The following MYO1D variants were observed in gnomAD, a reference collection of about 807,000 sequenced individuals.
The protein encoded by MYO1D is myosin ID, also known as unconventional myosin-Id.
In MYO1D, 83 loss-of-function variants were observed where a neutral mutation model predicts 122.0. The ratio of observed to expected loss-of-function variants is 0.68; its 90% CI spans 0.57 to 0.82. MYO1D has a LOEUF of 0.82. MYO1D is among the 40% of genes least tolerant of loss of function. The probability of loss-of-function intolerance (pLI) is 0.00; values close to 1 mark genes in which losing one functional copy is unlikely to be tolerated. For synonymous variants in MYO1D, 464 were observed against 446.9 expected (o/e 1.04, Z -0.48); for missense variants, 1,157 against 1,269.5 (o/e 0.91, Z 1.35).
chr17:32,817,039 T>C (rs920347782), intron 1 of MYO1D, among the ~76,000 whole-genome samples: 10 of 152,240 alleles, frequency 6.6e-5, no homozygotes, highest in African/African-American at 2.4e-4. Context: ...AGGTACTAGA[T>C]GTATTGCTAT....
intron 16 of MYO1D, among the ~76,000 whole-genome samples, chr17:32,685,038 A>T (rs571162843): frequency 3.3e-5 from 5 of 152,172 alleles, no homozygotes; most frequent in Non-Finnish European, 5.9e-5. Context: ...AAAAAAGTCA[A>T]TACCTCAATG....
intron 1 of MYO1D, among the ~76,000 whole-genome samples, chr17:32,786,242 G>A (rs8076522): frequency 0.68 from 104,060 of 152,040 alleles, 35,843 homozygotes; most frequent in Middle Eastern, 0.77. Context: ...AAATGAAGAA[G>A]TAACTAGAAA....
At chr17:32,675,594 T>A (rs1370318227) in intron 16 of MYO1D, among the ~76,000 whole-genome samples, 1 of 152,178 alleles carries the variant, frequency 6.6e-6, no homozygotes, top group Non-Finnish European at 1.5e-5. Context: ...CTGTTGAATC[T>A]ATTATTTTAA....
At chr17:32,537,179 CAATTTA>C (rs1910688619) in intron 21 of MYO1D, among the ~76,000 whole-genome samples, 1 of 152,126 alleles carries the variant, frequency 6.6e-6, no homozygotes, top group Non-Finnish European at 1.5e-5. Flanking sequence ...ACAGTCATTT[CAATTTA>C]GAGTATTCAA....
chr17:32,641,831 G>A (rs1377601522), intron 19 of MYO1D, among the ~76,000 whole-genome samples: 3 of 151,900 alleles, frequency 2.0e-5, no homozygotes, highest in Non-Finnish European at 2.9e-5. Context: ...CTGGATATTA[G>A]CCCTTTGTCA....
intron 20 of MYO1D, among the ~76,000 whole-genome samples, chr17:32,624,734 C>T (rs1206979824): frequency 1.4e-5 from 2 of 139,354 alleles, no homozygotes; most frequent in Admixed American, 6.8e-5. Context: ...CTGTTTTTTC[C>T]CCCCTAAAAG....
chr17:32,510,077 AT>A (rs1909636484), intron 21 of MYO1D: 1 of 152,220 alleles, frequency 6.6e-6, no homozygotes, highest in South Asian at 2.1e-4. Flanking sequence ...TGTTCACTTT[AT>A]AGATGAGGGT....
chr17:32,715,515 G>A (rs1282166813), intron 15 of MYO1D, among the ~76,000 whole-genome samples: 1 of 151,760 alleles, frequency 6.6e-6, no homozygotes, highest in Non-Finnish European at 1.5e-5. Context: ...TGATTTTCTG[G>A]CTACTCTGGC....
chr17:32,758,629 G>A (rs1217201586), intron 10 of MYO1D, among the ~76,000 whole-genome samples: 1 of 152,152 alleles, frequency 6.6e-6, no homozygotes, highest in Non-Finnish European at 1.5e-5. Context: ...CAACTGGTAC[G>A]TGTTAAAGCC....
intron 1 of MYO1D, among the ~76,000 whole-genome samples, chr17:32,865,336 C>A (rs1372819937): frequency 6.6e-6 from 1 of 150,690 alleles, no homozygotes; most frequent in Non-Finnish European, 1.5e-5. Flanking sequence ...TGGTCAGAGG[C>A]GAAATTTGTT....
chr17:32,513,767 C>A (rs1567872651), intron 21 of MYO1D, among the ~76,000 whole-genome samples: 1 of 151,892 alleles, frequency 6.6e-6, no homozygotes, highest in Admixed American at 6.6e-5. Context: ...CCTGCCCGCA[C>A]AGCTGTGTCT....
intron 1 of MYO1D, among the ~76,000 whole-genome samples, chr17:32,844,743 T>A (rs978932713): frequency 2.0e-5 from 3 of 152,012 alleles, no homozygotes; most frequent in African/African-American, 4.8e-5. Flanking sequence ...CAATGTATAA[T>A]GTAATATAGT....
intron 1 of MYO1D, among the ~76,000 whole-genome samples, chr17:32,834,121 G>A (rs546764146): frequency 1.1e-3 from 165 of 152,288 alleles, no homozygotes; most frequent in Non-Finnish European, 1.7e-3. Flanking sequence ...GCGCCCAACA[G>A]ATGTTTGCTG....
chr17:32,815,572 T>C (rs964641890), intron 1 of MYO1D, among the ~76,000 whole-genome samples: 2 of 152,276 alleles, frequency 1.3e-5, no homozygotes, highest in African/African-American at 4.8e-5. Context: ...CAGGCAGCCC[T>C]CTTCCCTCTC....
At chr17:32,721,210 A>G (rs2150991722) in intron 14 of MYO1D, 21 bp from the exon 15 acceptor site, 3 of 1,608,770 alleles carry the variant, frequency 1.9e-6, no homozygotes, top group East Asian at 4.5e-5. Context: ...AAATCAGCAA[A>G]TGGTAAGTTT....
intron 1 of MYO1D, among the ~76,000 whole-genome samples, chr17:32,803,702 C>T (rs1001970641): frequency 2.6e-5 from 4 of 152,146 alleles, no homozygotes; most frequent in African/African-American, 9.7e-5. Flanking sequence ...AATAATGACC[C>T]TAACCCCAAG....
At chr17:32,565,479 C>T (rs1420421316) in intron 21 of MYO1D, among the ~76,000 whole-genome samples, 2 of 152,184 alleles carry the variant, frequency 1.3e-5, no homozygotes, top group African/African-American at 4.8e-5. Flanking sequence ...TGCTCAGATT[C>T]TGGAATCTAT....
At chr17:32,671,276 A>G (rs2088717131) in intron 16 of MYO1D, among the ~76,000 whole-genome samples, 2 of 152,120 alleles carry the variant, frequency 1.3e-5, no homozygotes, top group African/African-American at 4.8e-5. Context: ...TGGTGCTTGG[A>G]GCGGCCAGCC....
At chr17:32,653,748 T>G in intron 19 of MYO1D, 95 bp downstream of exon 19, 1 of 1,006,352 alleles carries the variant, frequency 9.9e-7, no homozygotes, top group South Asian at 1.4e-5. Flanking sequence ...GCTAGTTATG[T>G]ACCTACTGTT....
Sources: gnomAD v4.1 joint callset for allele counts (sites outside exome capture counted in the v4.1 genomes callset) on GRCh38, gnomAD v4.1.1 for gene constraint, MANE v1.5 for transcripts, NCBI Gene and HGNC (gene_info 2026-07-23, HGNC 2026-07-21) for gene names.